Variants in SEPTIN10 observed in about 807,000 individuals in gnomAD.
SEPTIN10 encodes the protein septin 10.
A neutral mutation model predicts 54.8 loss-of-function variants in SEPTIN10; 66 were observed. That is an observed-to-expected ratio of 1.21 (90% CI 0.99 to 1.48). SEPTIN10 has a LOEUF of 1.48. Ranked by LOEUF, SEPTIN10 falls within the 40% of genes most tolerant of loss-of-function variation. SEPTIN10 has a pLI of 0.00. For synonymous variants in SEPTIN10, 161 were observed against 181.0 expected, an observed-to-expected ratio of 0.89 and a Z score of 0.89; for missense variants, 620 against 545.6, an observed-to-expected ratio of 1.14 and a Z score of -1.36.
At chr2:109,604,552 C>T (rs1249222367) in intron 1 of SEPTIN10, among the ~76,000 whole-genome samples, 2 of 151,088 alleles carry the variant, frequency 1.3e-5, no homozygotes, top group African/African-American at 4.9e-5. Context: ...ATGGTGAAAC[C>T]CTGTCTCCAG....
chr2:109,560,466 G>A (rs1214515475), intron 8 of SEPTIN10, among the ~76,000 whole-genome samples: 1 of 152,128 alleles, frequency 6.6e-6, no homozygotes, highest in Admixed American at 6.5e-5. Context: ...ACTCAAGGCT[G>A]TTTCTGAGTC....
chr2:109,548,311 T>C (rs751932984), intron 9 of SEPTIN10, among the ~76,000 whole-genome samples: 1 of 152,198 alleles, frequency 6.6e-6, no homozygotes, highest in Non-Finnish European at 1.5e-5. Flanking sequence ...TCTGATCTGG[T>C]TAGGTAAATC....
chr2:109,550,067 GA>G (rs999796084), intron 9 of SEPTIN10, among the ~76,000 whole-genome samples: 3 of 151,792 alleles, frequency 2.0e-5, no homozygotes, highest in African/African-American at 7.3e-5. Flanking sequence ...GAGGCAGGCG[GA>G]TAACGTGAGG....
chr2:109,585,474 T>C (rs534056561), intron 3 of SEPTIN10, among the ~76,000 whole-genome samples, 153 bp from the exon 4 acceptor site: 1 of 152,310 alleles, frequency 6.6e-6, no homozygotes, highest in African/African-American at 2.4e-5. Context: ...CCCCAAGTCA[T>C]TAGCAGAGCA....
intron 8 of SEPTIN10, among the ~76,000 whole-genome samples, chr2:109,553,647 G>A (rs1236735363): frequency 6.6e-6 from 1 of 151,926 alleles, no homozygotes; most frequent in Non-Finnish European, 1.5e-5. Flanking sequence ...GAGGTCAGGA[G>A]TTCAAGACCA....
intron 4 of SEPTIN10, among the ~76,000 whole-genome samples, chr2:109,583,939 T>C (rs866518669): frequency 9.1e-4 from 138 of 152,174 alleles, no homozygotes; most frequent in African/African-American, 3.3e-3. Context: ...GATCTAAACA[T>C]TGGGTACACA....
chr2:109,580,976 G>A (rs942766323), intron 4 of SEPTIN10, among the ~76,000 whole-genome samples: 2 of 152,178 alleles, frequency 1.3e-5, no homozygotes, highest in Non-Finnish European at 2.9e-5. Flanking sequence ...TGCACAGGCA[G>A]GAAGCACTGC....
intron 8 of SEPTIN10, among the ~76,000 whole-genome samples, chr2:109,555,461 C>T (rs1057205356): frequency 3.9e-5 from 6 of 152,250 alleles, no homozygotes; most frequent in Admixed American, 1.3e-4. Flanking sequence ...GTAAAGTCTC[C>T]CCCACTCTCC....
intron 4 of SEPTIN10, among the ~76,000 whole-genome samples, chr2:109,584,008 C>T (rs6594037): frequency 4.0e-5 from 6 of 151,846 alleles, no homozygotes; most frequent in South Asian, 2.1e-4. Context: ...GGAAGATACC[C>T]GGTAAAGGCT....
Position 109,613,821 on chromosome 2 carries a change from A to C in SEPTIN10, c.7T>G (p.Ser3Ala). The change falls in exon 1 of 11, where the codon TCC becomes GCC. Residue 3 changes from serine to alanine, a missense_variant. Transcript: ENST00000397712. ...ACCAGGTGCCGCGCCACCTCGGAGGAGGCCATGGTCGCGGGCAGGGGCACG... is the reference window on the plus strand; with the variant it reads ...ACCAGGTGCCGCGCCACCTCGGAGGCGGCCATGGTCGCGGGCAGGGGCACG... MA[S>A]SEVARHLLFQ... The C allele has an allele frequency of 8.1e-7, 1 of 1,235,238 alleles. No homozygotes were observed. The highest frequency in any genetic ancestry group is 1.0e-6 in the Non-Finnish European group (1 of 990,452). The allele number at this position is 1,235,238 out of a possible 1,614,324, so 76.5% of individuals were successfully genotyped here. A position where few individuals can be genotyped will look rare whatever the true frequency, so the allele number is the denominator to read the frequency against.
At chr2:109,569,782 C>T (rs1413108579) in intron 5 of SEPTIN10, among the ~76,000 whole-genome samples, 3 of 152,180 alleles carry the variant, frequency 2.0e-5, no homozygotes, top group African/African-American at 7.2e-5. Flanking sequence ...TCAATGTTTA[C>T]ATGACTATTA....
Position 109,574,612 on chromosome 2 carries a change from T to A in SEPTIN10, c.569A>T (p.Asp190Val), listed in dbSNP as rs540248161. ...GTCAAGGTTCTTCATGGTTAAGAGA[T>A]CAAGTGTCTTCAGAGAGTGGCCTGT... is the stretch of plus-strand genomic sequence containing the variant. ...SPTGHSLKTL[D>V]LLTMKNLDSK... The change falls in exon 5 of 11, where the codon GAT becomes GTT. Residue 190 changes from aspartate to valine, a missense_variant. Coordinates refer to ENST00000397712, the MANE Select transcript of SEPTIN10 (RefSeq NM_144710.5). 2.2e-5 allele frequency: 35 copies of A among 1,597,866 alleles called. No homozygotes were observed. In the South Asian group the frequency reaches 3.8e-4, roughly 17 times the overall value.
At chr2:109,547,010 G>A (rs532089592) in intron 9 of SEPTIN10, among the ~76,000 whole-genome samples, 35 of 152,286 alleles carry the variant, frequency 2.3e-4, no homozygotes, top group African/African-American at 7.2e-4. Context: ...CCCTTTAGGC[G>A]CCTAAAGGCA....
At position 109,543,936 on chromosome 2, in the gene SEPTIN10, G is replaced by C; in HGVS notation, c.*373C>G. ...GTTTCACATCCACCTTATACATATA[G>C]CCTGAAAGTAATTTATACAAAAATT... On this transcript the variant is annotated 3_prime_UTR_variant, in exon 11 of 11. Coordinates refer to ENST00000397712, the MANE Select transcript of SEPTIN10 (RefSeq NM_144710.5). 3.6e-6 allele frequency: 2 copies of C among 549,390 alleles called. No individual in the cohort carries two copies. The highest frequency in any genetic ancestry group is 3.4e-5 in the Admixed American group (1 of 29,132). The allele number at this position is 549,390 out of a possible 1,614,324, so 34.0% of individuals were successfully genotyped here.
chr2:109,562,099 G>C (rs1020287760), intron 8 of SEPTIN10, among the ~76,000 whole-genome samples: 1 of 151,968 alleles, frequency 6.6e-6, no homozygotes, highest in African/African-American at 2.4e-5. Flanking sequence ...TATAGTCCCA[G>C]CTACTCAGGA....
At chr2:109,603,932 C>T (rs1042005760) in intron 1 of SEPTIN10, among the ~76,000 whole-genome samples, 2 of 151,848 alleles carry the variant, frequency 1.3e-5, no homozygotes, top group East Asian at 2.0e-4. Context: ...GAGGCCGAGG[C>T]GGGCGGATCA....
chr2:109,590,834 G>A (rs1209687261), intron 2 of SEPTIN10, among the ~76,000 whole-genome samples: 1 of 152,126 alleles, frequency 6.6e-6, no homozygotes, highest in Non-Finnish European at 1.5e-5. Context: ...AGAATGGAGT[G>A]GTCTCTAGGA....
intron 1 of SEPTIN10, among the ~76,000 whole-genome samples, chr2:109,599,976 T>G (rs1696257594): frequency 6.6e-6 from 1 of 152,154 alleles, no homozygotes; most frequent in African/African-American, 2.4e-5. Flanking sequence ...ATTCTGATTC[T>G]CCCTTCAAGC....
intron 10 of SEPTIN10, chr2:109,544,934 C>A (rs1262414722): frequency 1.0e-6 from 1 of 977,646 alleles, no homozygotes; most frequent in Non-Finnish European, 1.2e-6. Flanking sequence ...TCCAAAAAAA[C>A]AAACAAACAA....
Sources: gnomAD v4.1 joint callset for allele counts (sites outside exome capture counted in the v4.1 genomes callset) on GRCh38, gnomAD v4.1.1 for gene constraint, MANE v1.5 for transcripts, NCBI Gene and HGNC (gene_info 2026-07-23, HGNC 2026-07-21) for gene names.